TPST1: variants seen among roughly 807,000 people sequenced by gnomAD.
TPST1 encodes the protein tyrosylprotein sulfotransferase 1.
Under a neutral mutation model 34.8 loss-of-function variants are expected in TPST1, and 20 were observed. That is an observed-to-expected ratio of 0.57 (90% CI 0.40 to 0.84). The LOEUF (loss-of-function observed/expected upper bound fraction) is 0.84, where lower values mean the gene tolerates loss of function less well. Among genes scored for constraint, TPST1 ranks in the 40% least tolerant of loss-of-function variants. The pLI, the probability that TPST1 is intolerant of heterozygous loss-of-function variation, is 0.00. For synonymous variants in TPST1, 152 were observed against 159.4 expected, an observed-to-expected ratio of 0.95 and a Z score of 0.35; for missense variants, 353 against 455.5, an observed-to-expected ratio of 0.78 and a Z score of 2.05.
chr7:66,354,522 C>CAAAAAAAAAAAAAAAAAAAAAAAAAAA (rs66521537), intron 4 of TPST1, among the ~76,000 whole-genome samples: 1 of 60,814 alleles, frequency 1.6e-5, no homozygotes, highest in Non-Finnish European at 2.7e-5. Context: ...GAGTCTGTCT[C>CAAAAAAAAAAAAAAAAAAAAAAAAAAA]AAAAAAAAAA....
intron 1 of TPST1, among the ~76,000 whole-genome samples, chr7:66,237,530 C>G (rs1789935304): frequency 6.6e-6 from 1 of 152,088 alleles, no homozygotes; most frequent in South Asian, 2.1e-4. Context: ...AGTCATTTCC[C>G]CAGGTATATT....
intron 3 of TPST1, among the ~76,000 whole-genome samples, chr7:66,321,028 T>G (rs1791746391): frequency 1.3e-5 from 2 of 152,256 alleles, no homozygotes; most frequent in Admixed American, 1.3e-4. Flanking sequence ...GCATTTTTGT[T>G]GGGAGTATGC....
chr7:66,328,903 TATA>T (rs759614521), intron 3 of TPST1, among the ~76,000 whole-genome samples: 16 of 60,182 alleles, frequency 2.7e-4, no homozygotes, highest in East Asian at 2.2e-3. Context: ...TATATATATA[TATA>T]TTTTTTTTTT....
intron 1 of TPST1, among the ~76,000 whole-genome samples, chr7:66,215,090 CTG>C (rs1300417187): frequency 6.7e-6 from 1 of 148,204 alleles, no homozygotes; most frequent in Non-Finnish European, 1.5e-5. Context: ...GAGTCTCTCT[CTG>C]TCACCAGGTT....
chr7:66,307,497 G>A (rs1791449171), intron 3 of TPST1, among the ~76,000 whole-genome samples: 1 of 151,960 alleles, frequency 6.6e-6, no homozygotes, highest in Non-Finnish European at 1.5e-5. Context: ...AAGATATTTT[G>A]TAAGGGAAAG....
At chr7:66,246,463 T>C (rs771837117) in intron 2 of TPST1, among the ~76,000 whole-genome samples, 2 of 152,088 alleles carry the variant, frequency 1.3e-5, no homozygotes, top group Non-Finnish European at 2.9e-5. Flanking sequence ...TGATGAAACA[T>C]TGCATTTCAA....
At chr7:66,208,495 G>C (rs1333409584) in intron 1 of TPST1, among the ~76,000 whole-genome samples, 1 of 151,776 alleles carries the variant, frequency 6.6e-6, no homozygotes, top group African/African-American at 2.4e-5. Flanking sequence ...TTGTGACACA[G>C]TCTTGGTCTG....
chr7:66,299,562 G>C (rs965093126), intron 3 of TPST1, among the ~76,000 whole-genome samples: 1 of 151,618 alleles, frequency 6.6e-6, no homozygotes, highest in Non-Finnish European at 1.5e-5. Flanking sequence ...TACCAAATTC[G>C]TAGCTCCGTT....
intron 3 of TPST1, among the ~76,000 whole-genome samples, chr7:66,325,140 A>G (rs1359918361): frequency 6.6e-6 from 1 of 152,172 alleles, no homozygotes; most frequent in Non-Finnish European, 1.5e-5. Context: ...GAAGCAAGGC[A>G]CTTTCTTCAC....
rs546339747 is a variant in TPST1, at chr7:66,227,028, CTTTTTTTTT to C, written c.-101-13282_-101-13274del. 9.0e-4 allele frequency among the ~76,000 whole-genome samples: 62 copies of C among 69,206 alleles called. No individual in the cohort carries two copies. The South Asian group carries it at 0.033, about 36-fold the overall frequency. 45.4% of individuals were successfully genotyped at this position (69,206 alleles called of 152,430 possible). A position where few individuals can be genotyped will look rare whatever the true frequency, so the allele number is the denominator to read the frequency against. ...TTGGTGTTGGATGCCTTAAAATAAGCTTTTTTTTTTTTTTTTTTTTTTTGAGATGGAGTC... is the reference window on the plus strand; with the variant it reads ...TTGGTGTTGGATGCCTTAAAATAAGCTTTTTTTTTTTTTTGAGATGGAGTC... On this transcript the variant is annotated intron_variant, in intron 1 of 5. Transcript: ENST00000304842.
rs71526540 is a variant in TPST1, at chr7:66,339,833, T to TAAAA, written c.1045-12655_1045-12652dup. On this transcript the variant is annotated intron_variant, in intron 3 of 5. Transcript: ENST00000304842. ...AAACCAGCACATGTACCCCTCAACCTAAAAAAAAAAAAAAAAAAAATCATC... is the reference window on the plus strand; with the variant it reads ...AAACCAGCACATGTACCCCTCAACCTAAAAAAAAAAAAAAAAAAAAAAAATCATC... Among the ~76,000 whole-genome samples, 567 of 112,376 alleles carry TAAAA rather than the reference T, an allele frequency of 5.0e-3. 11 individuals carry two copies. Among genetic ancestry groups the TAAAA allele is most frequent in the South Asian group, 0.01 (33 of 3,300 alleles). The allele number at this position is 112,376 out of a possible 152,430, so 73.7% of individuals were successfully genotyped here. A position where few individuals can be genotyped will look rare whatever the true frequency, so the allele number is the denominator to read the frequency against.
upstream of TPST1, among the ~76,000 whole-genome samples, chr7:66,204,479 G>A (rs1308910573): frequency 2.0e-5 from 3 of 152,220 alleles, no homozygotes; most frequent in Non-Finnish European, 4.4e-5. Context: ...GCTTCCCAAA[G>A]TGCTGTGATT....
intron 2 of TPST1, among the ~76,000 whole-genome samples, chr7:66,275,949 AT>A (rs1430187800): frequency 6.6e-6 from 1 of 152,090 alleles, no homozygotes; most frequent in Non-Finnish European, 1.5e-5. Context: ...ATGTATACAT[AT>A]TTTAAAACAT....
intron 1 of TPST1, among the ~76,000 whole-genome samples, chr7:66,220,515 G>C (rs1344173600): frequency 6.6e-6 from 1 of 152,142 alleles, no homozygotes; most frequent in Admixed American, 6.5e-5. Context: ...AGAGCTTTCA[G>C]GAAAGCTGCG....
chr7:66,299,125 CA>C (rs34928553), intron 3 of TPST1, among the ~76,000 whole-genome samples: 81,561 of 137,354 alleles, frequency 0.59, 23,257 homozygotes, highest in African/African-American at 0.69. Flanking sequence ...GACACCGTCT[CA>C]AAAAAAAAAA....
intron 3 of TPST1, among the ~76,000 whole-genome samples, chr7:66,345,645 A>G (rs968407712): frequency 3.3e-5 from 5 of 151,944 alleles, no homozygotes; most frequent in Non-Finnish European, 7.4e-5. Flanking sequence ...AAATATCTCT[A>G]TATTTATTAT....
At chr7:66,336,287 G>A (rs553814456) in intron 3 of TPST1, among the ~76,000 whole-genome samples, 3 of 150,430 alleles carry the variant, frequency 2.0e-5, no homozygotes, top group East Asian at 1.9e-4. Context: ...TCCAGCCTGG[G>A]AGACAGAGCA....
At chr7:66,313,721 G>C (rs1045252297) in intron 3 of TPST1, among the ~76,000 whole-genome samples, 3 of 152,112 alleles carry the variant, frequency 2.0e-5, no homozygotes, top group African/African-American at 7.2e-5. Context: ...AAAACTTACA[G>C]AAAGGCTGTA....
At chr7:66,314,569 C>G (rs943350988) in intron 3 of TPST1, among the ~76,000 whole-genome samples, 3 of 152,172 alleles carry the variant, frequency 2.0e-5, no homozygotes, top group Admixed American at 6.5e-5. Context: ...AACTTGAAGA[C>G]TGTGCAAATA....
Sources: gnomAD v4.1 joint callset for allele counts (sites outside exome capture counted in the v4.1 genomes callset) on GRCh38, gnomAD v4.1.1 for gene constraint, MANE v1.5 for transcripts, NCBI Gene and HGNC (gene_info 2026-07-23, HGNC 2026-07-21) for gene names.